The following ARID1B variants were observed in gnomAD, a reference collection of about 807,000 sequenced individuals.
The protein encoded by ARID1B is AT-rich interaction domain 1B.
In ARID1B, 30 loss-of-function variants were observed where a neutral mutation model predicts 212.3. The ratio of observed to expected loss-of-function variants is 0.14; its 90% CI spans 0.11 to 0.19. The LOEUF (loss-of-function observed/expected upper bound fraction) is 0.19. ARID1B is among the 10% of genes least tolerant of loss of function. The pLI is 1.00. For missense variants in ARID1B, 2,891 were observed against 3,204.0 expected (o/e 0.90, Z 2.36); for synonymous variants, 1,402 against 1,301.7 (o/e 1.08, Z -1.66).
At chr6:157,155,070 A>C (rs1379477941) in intron 8 of ARID1B, among the ~76,000 whole-genome samples, 1 of 151,858 alleles carries the variant, frequency 6.6e-6, no homozygotes, top group African/African-American at 2.4e-5. Context: ...GAATTTCGTT[A>C]CCTCTGCTGC....
At chr6:157,198,469 GGTACAC>G in intron 16 of ARID1B, 1 of 258,102 alleles carries the variant, frequency 3.9e-6, no homozygotes, top group East Asian at 7.0e-5. Context: ...CACTTCCTAA[GGTACAC>G]GTCAGTGGAC....
chr6:156,812,980 GTA>G (rs1781675297), intron 1 of ARID1B, among the ~76,000 whole-genome samples: 2 of 61,414 alleles, frequency 3.3e-5, no homozygotes, highest in African/African-American at 1.0e-4. Context: ...GTGTGTGTAT[GTA>G]TATACATACG....
intron 1 of ARID1B, among the ~76,000 whole-genome samples, chr6:156,813,093 C>CAT (rs1781712791): frequency 2.1e-5 from 2 of 94,014 alleles, no homozygotes; most frequent in African/African-American, 9.5e-5. Context: ...TATGTATATA[C>CAT]ATACATATAT....
intron 2 of ARID1B, among the ~76,000 whole-genome samples, chr6:156,873,187 G>T (rs370643968): frequency 2.0e-4 from 30 of 152,286 alleles, no homozygotes; most frequent in East Asian, 1.2e-3. Context: ...GAGAATACGG[G>T]TTGAAGAAAA....
chr6:157,039,682 C>CTTCTTTCTTTCTTTCT (rs1562569236), intron 4 of ARID1B, among the ~76,000 whole-genome samples: 2 of 75,488 alleles, frequency 2.6e-5, no homozygotes, highest in African/African-American at 4.8e-5. Context: ...TCCTTCCTTC[C>CTTCTTTCTTTCTTTCT]TTCCTTCCTT....
chr6:156,983,122 G>A (rs992491714), intron 4 of ARID1B, among the ~76,000 whole-genome samples: 1 of 151,714 alleles, frequency 6.6e-6, no homozygotes, highest in Non-Finnish European at 1.5e-5. Context: ...AAAAAGAAAG[G>A]CCTGGCACAG....
At chr6:156,997,439 T>C (rs1449181718) in intron 4 of ARID1B, among the ~76,000 whole-genome samples, 1 of 152,240 alleles carries the variant, frequency 6.6e-6, no homozygotes, top group Non-Finnish European at 1.5e-5. Flanking sequence ...CAATTCTTTA[T>C]ATCGTCACTG....
intron 12 of ARID1B, 53 bp downstream of exon 12, chr6:157,181,231 T>TA (rs1792507553): frequency 6.3e-7 from 1 of 1,584,840 alleles, no homozygotes; most frequent in South Asian, 1.1e-5. Context: ...GATAAGTTCT[T>TA]ACAGTGGCTT....
chr6:157,030,975 A>T (rs1329539025), intron 4 of ARID1B, among the ~76,000 whole-genome samples: 1 of 152,124 alleles, frequency 6.6e-6, no homozygotes, highest in Non-Finnish European at 1.5e-5. Flanking sequence ...CATGTCCTTC[A>T]GCCGTCATGT....
At chr6:157,137,410 TG>T (rs905669852) in intron 7 of ARID1B, among the ~76,000 whole-genome samples, 11 of 152,290 alleles carry the variant, frequency 7.2e-5, no homozygotes, top group Admixed American at 7.2e-4. Flanking sequence ...TGTGGGGACT[TG>T]CTTTAATAAG....
At position 156,955,754 on chromosome 6, in the gene ARID1B, G is replaced by GA. The variant is rs1272204611; in HGVS notation, c.2247+20179dup. 1.3e-5 allele frequency among the ~76,000 whole-genome samples: 2 copies of GA among 152,130 alleles called. No homozygotes were observed. The highest frequency in any genetic ancestry group is 4.8e-5 in the African/African-American group (2 of 41,420). On this transcript the variant is annotated intron_variant, in intron 4 of 19. Transcript: ENST00000636930. The surrounding 1 kb of genome is among the most constrained non-coding windows in gnomAD (Gnocchi z 4.2). ...AGAAGGGCCCTAGAAACAGAGCCTG[G>GA]ATGTCATGGGGTCCAAGGCAGAAGA...
intron 13 of ARID1B, among the ~76,000 whole-genome samples, chr6:157,187,344 A>G (rs912045257): frequency 6.6e-5 from 10 of 152,192 alleles, no homozygotes; most frequent in Non-Finnish European, 1.5e-4. Context: ...AATTTCTATT[A>G]TTAGCTGACA....
In ARID1B at chr6:157,208,915, A is replaced by G. The variant is rs1477035419; in HGVS notation, c.*1024A>G. The G allele has an allele frequency of 4.4e-6, 1 of 229,254 alleles. No homozygotes were observed. Among genetic ancestry groups the G allele is most frequent in the Non-Finnish European group, 8.6e-6 (1 of 115,726 alleles). The allele number at this position is 229,254 out of a possible 1,614,324, so 14.2% of individuals were successfully genotyped here. On this transcript the variant is annotated 3_prime_UTR_variant, in exon 20 of 20. Coordinates refer to ENST00000636930, the MANE Select transcript of ARID1B (RefSeq NM_001374828.1). ...GGGTAATGTACAAGTTTCTGTATGT[A>G]TAAAGTCATGCTCGATTTCAGGAGA...
intron 6 of ARID1B, among the ~76,000 whole-genome samples, chr6:157,116,061 T>G (rs1787305371): frequency 1.3e-5 from 2 of 152,218 alleles, no homozygotes; most frequent in Admixed American, 6.5e-5. Context: ...TATTTCTTAA[T>G]CTTTATATGT....
Position 157,196,248 on chromosome 6 carries a change from G to A in ARID1B, c.4315G>A (p.Gly1439Arg), listed in dbSNP as rs199674889. ...GGACATGTACAACCAAAGTCCCTCC[G>A]GAGCAATGTCTAACCTGGGCATGGG... ...MQDMYNQSPS[G>R]AMSNLGMGQR... The change falls in exon 16 of 20, where the codon GGA becomes AGA. Residue 1439 changes from glycine to arginine, a missense_variant. Physicochemically the swap from Gly to Arg is moderately radical, Grantham distance 125. This residue lies in a region of ARID1B where 666 missense variants were observed against 873.5 expected (regional missense o/e 0.76). Coordinates refer to ENST00000636930, the MANE Select transcript of ARID1B (RefSeq NM_001374828.1). 260 of 1,613,188 alleles carry A rather than the reference G, an allele frequency of 1.6e-4. No individual in the cohort carries two copies. Among genetic ancestry groups the A allele is most frequent in the Admixed American group, 2.2e-4 (13 of 59,736 alleles).
intron 4 of ARID1B, among the ~76,000 whole-genome samples, chr6:156,999,987 G>GGAGT (rs753101389): frequency 2.0e-5 from 3 of 152,336 alleles, no homozygotes; most frequent in South Asian, 4.1e-4. Context: ...ATGGTGACAT[G>GGAGT]GAGTGAGTGA....
rs367851681 is a variant in ARID1B, at chr6:157,010,278, G to GTT, written c.2248-74359_2248-74358dup. ...TTTTGTTAACATTTATGCATTGCCT[G>GTT]TTTTTTTTTTTTTTTTTTTTTTTTT... On this transcript the variant is annotated intron_variant, in intron 4 of 19. Transcript: ENST00000636930. Among the ~76,000 whole-genome samples the GTT allele has an allele frequency of 1.0e-3, 102 of 102,246 alleles. 3 individuals carry two copies. Among genetic ancestry groups the GTT allele is most frequent in the African/African-American group, 1.3e-3 (32 of 25,332 alleles). 67.1% of individuals were successfully genotyped at this position (102,246 alleles called of 152,430 possible).
Position 157,105,577 on chromosome 6 carries a change from C to G in ARID1B, c.2492-4895C>G, listed in dbSNP as rs151010559. Among the ~76,000 whole-genome samples the G allele has an allele frequency of 2.9e-3, 440 of 152,240 alleles. 2 individuals are homozygous for G. Among genetic ancestry groups the G allele is most frequent in the African/African-American group, 0.01 (420 of 41,540 alleles). ...ATCTGAAAAAGTAGTCAAACTCATT[C>G]AGAATCAGTAAGACTGGTAATTTTT... On this transcript the variant is annotated intron_variant, in intron 5 of 19. Coordinates refer to ENST00000636930, the MANE Select transcript of ARID1B (RefSeq NM_001374828.1).
At chr6:157,093,207 G>C (rs1472479288) in intron 5 of ARID1B, among the ~76,000 whole-genome samples, 1 of 152,194 alleles carries the variant, frequency 6.6e-6, no homozygotes, top group Non-Finnish European at 1.5e-5. Flanking sequence ...TAAATGAATA[G>C]TACTTAGAGT....
Sources: gnomAD v4.1 joint callset for allele counts (sites outside exome capture counted in the v4.1 genomes callset) on GRCh38, gnomAD v4.1.1 for gene constraint, gnomAD v4.1.1 regional missense constraint, Gnocchi (gnomAD v3.1) non-coding constraint, MANE v1.5 for transcripts, NCBI Gene and HGNC (gene_info 2026-07-23, HGNC 2026-07-21) for gene names.